The following MAP3K5 variants were observed in gnomAD, a reference collection of about 807,000 sequenced individuals.
MAP3K5 encodes the protein mitogen-activated protein kinase kinase kinase 5, also known as ASK-1.
Under a neutral mutation model 158.7 loss-of-function variants are expected in MAP3K5, and 56 were observed. The ratio of observed to expected loss-of-function variants is 0.35; its 90% CI spans 0.28 to 0.44. MAP3K5 has a LOEUF of 0.44. Ranked by LOEUF, MAP3K5 falls within the 20% of genes least tolerant of loss-of-function variation. The probability of loss-of-function intolerance (pLI) is 1.00; values close to 1 mark genes in which losing one functional copy is unlikely to be tolerated. For synonymous variants in MAP3K5, 579 were observed against 601.7 expected (o/e 0.96, Z 0.55); for missense variants, 1,294 against 1,674.8 (o/e 0.77, Z 3.97).
At chr6:136,690,955 A>T (rs1396428919) in intron 7 of MAP3K5, among the ~76,000 whole-genome samples, 1 of 152,192 alleles carries the variant, frequency 6.6e-6, no homozygotes, top group Non-Finnish European at 1.5e-5. Context: ...TAAAGACATT[A>T]TCAGTGGATA....
intron 18 of MAP3K5, among the ~76,000 whole-genome samples, chr6:136,607,504 T>A (rs1776152463): frequency 6.6e-6 from 1 of 152,282 alleles, no homozygotes; most frequent in African/African-American, 2.4e-5. Context: ...ACAAAGCAAT[T>A]TACGAAGCTG....
At chr6:136,620,403 C>T (rs2129095109) in intron 15 of MAP3K5, among the ~76,000 whole-genome samples, 1 of 152,266 alleles carries the variant, frequency 6.6e-6, no homozygotes, top group Non-Finnish European at 1.5e-5. Flanking sequence ...CAAACCTGCG[C>T]ATGTACCCCC....
chr6:136,739,947 T>C (rs1272130592), intron 1 of MAP3K5, among the ~76,000 whole-genome samples: 1 of 152,198 alleles, frequency 6.6e-6, no homozygotes, highest in Non-Finnish European at 1.5e-5. Context: ...CAGGGGCCTG[T>C]AGCTGCCAAG....
At chr6:136,778,719 A>T (rs1784492596) in intron 1 of MAP3K5, among the ~76,000 whole-genome samples, 1 of 152,224 alleles carries the variant, frequency 6.6e-6, no homozygotes, top group African/African-American at 2.4e-5. Flanking sequence ...CCGGAATCTG[A>T]CAGACTTGGG....
At chr6:136,658,863 T>G (rs112594007) in intron 9 of MAP3K5, among the ~76,000 whole-genome samples, 1 of 152,060 alleles carries the variant, frequency 6.6e-6, no homozygotes, top group African/African-American at 2.4e-5. Flanking sequence ...ATGTTTGGAG[T>G]AGAGGTCTAA....
intron 2 of MAP3K5, among the ~76,000 whole-genome samples, chr6:136,706,747 G>A (rs1017105491): frequency 6.6e-6 from 1 of 152,090 alleles, no homozygotes; most frequent in African/African-American, 2.4e-5. Flanking sequence ...TCATGCAAAG[G>A]AGCATGTAAG....
At chr6:136,558,183 C>T (rs1830337461) in intron 29 of MAP3K5, among the ~76,000 whole-genome samples, 1 of 152,094 alleles carries the variant, frequency 6.6e-6, no homozygotes, top group Non-Finnish European at 1.5e-5. Context: ...TCGAGACCAT[C>T]CTGGCTAACA....
intron 2 of MAP3K5, among the ~76,000 whole-genome samples, chr6:136,710,712 G>T (rs1781270763): frequency 6.6e-6 from 1 of 152,134 alleles, no homozygotes; most frequent in Admixed American, 6.6e-5. Flanking sequence ...GGTGGGAGAA[G>T]CAGGAATAGG....
intron 1 of MAP3K5, among the ~76,000 whole-genome samples, chr6:136,724,343 G>C (rs1781868677): frequency 6.6e-6 from 1 of 151,542 alleles, no homozygotes; most frequent in South Asian, 2.1e-4. Context: ...CCACCACCCG[G>C]GTTCAAGTGT....
At chr6:136,755,447 C>CCAA in intron 1 of MAP3K5, among the ~76,000 whole-genome samples, 1 of 152,270 alleles carries the variant, frequency 6.6e-6, no homozygotes, top group Admixed American at 6.5e-5. Context: ...TGGCTCATGC[C>CCAA]TGTAGTCCTA....
intron 18 of MAP3K5, among the ~76,000 whole-genome samples, chr6:136,608,026 GGAA>G (rs1271084428): frequency 2.0e-5 from 3 of 152,192 alleles, no homozygotes; most frequent in Non-Finnish European, 4.4e-5. Flanking sequence ...CGTTGAGACT[GGAA>G]GAAGGTAAGA....
chr6:136,670,460 C>A (rs2114531694), intron 7 of MAP3K5, among the ~76,000 whole-genome samples: 1 of 150,136 alleles, frequency 6.7e-6, no homozygotes, highest in Admixed American at 6.6e-5. Context: ...AAATATCTAA[C>A]AAATGACCAT....
At chr6:136,754,508 G>A (rs1455836410) in intron 1 of MAP3K5, among the ~76,000 whole-genome samples, 2 of 151,656 alleles carry the variant, frequency 1.3e-5, no homozygotes, top group Non-Finnish European at 2.9e-5. Context: ...GAGCTGGGGA[G>A]GTCGAGGCCT....
chr6:136,701,666 T>A (rs1298122394), intron 3 of MAP3K5, among the ~76,000 whole-genome samples: 1 of 152,204 alleles, frequency 6.6e-6, no homozygotes, highest in Non-Finnish European at 1.5e-5. Context: ...TTCCAAAGCA[T>A]CTAAAGCTTC....
intron 18 of MAP3K5, among the ~76,000 whole-genome samples, chr6:136,606,354 AAAAC>A (rs1368043148): frequency 6.6e-6 from 1 of 152,220 alleles, no homozygotes; most frequent in African/African-American, 2.4e-5. Context: ...CTGTCTCAAA[AAAAC>A]AAACAAACAA....
chr6:136,788,428 A>G (rs1784933170), intron 1 of MAP3K5, among the ~76,000 whole-genome samples: 1 of 152,194 alleles, frequency 6.6e-6, no homozygotes, highest in Non-Finnish European at 1.5e-5. Flanking sequence ...GACAAATGGG[A>G]CCTAATTAAA....
rs1178151192 is a variant in MAP3K5 at position 136,696,698 on chromosome 6, A to T, written c.975+521T>A. Among the ~76,000 whole-genome samples, 3 of 152,240 alleles carry T rather than the reference A, an allele frequency of 2.0e-5. No homozygotes were observed. The South Asian group carries it at 6.2e-4, about 31-fold the overall frequency. ...TACCCTATTTTTAAAATTTTAAGAC[A>T]TGTCAATAAAAATGATATAACCTGT... On this transcript the variant is annotated intron_variant, in intron 5 of 29. Coordinates refer to ENST00000359015, the MANE Select transcript of MAP3K5 (RefSeq NM_005923.4).
At chr6:136,616,424 C>G (rs970040520) in intron 15 of MAP3K5, among the ~76,000 whole-genome samples, 1 of 151,616 alleles carries the variant, frequency 6.6e-6, no homozygotes, top group Admixed American at 6.6e-5. Flanking sequence ...CCTGCCTCAG[C>G]CTCCCAAGTA....
chr6:136,631,371 C>G (rs995411378), intron 14 of MAP3K5, among the ~76,000 whole-genome samples: 1 of 152,102 alleles, frequency 6.6e-6, no homozygotes, highest in Non-Finnish European at 1.5e-5. Context: ...AAAGAGTTTG[C>G]TACATGATGA....
Sources: allele counts gnomAD v4.1 joint callset (sites outside exome capture counted in the v4.1 genomes callset), GRCh38; gene constraint gnomAD v4.1.1; transcripts MANE v1.5; gene names NCBI Gene and HGNC (gene_info 2026-07-23, HGNC 2026-07-21).